Variants in RAPGEF2 observed in about 807,000 individuals in gnomAD.
RAPGEF2 encodes the protein PDZ domain containing guanine nucleotide exchange factor (GEF) 1.
RAPGEF2 carries 54 observed loss-of-function variants against 186.7 expected under a neutral mutation model. That is an observed-to-expected ratio of 0.29 (90% confidence interval 0.23 to 0.36). The LOEUF (loss-of-function observed/expected upper bound fraction) is 0.36. Ranked by LOEUF, RAPGEF2 falls within the 10% of genes least tolerant of loss-of-function variation. The pLI is 1.00. For synonymous variants in RAPGEF2, 712 were observed against 705.9 expected, an observed-to-expected ratio of 1.01 and a Z score of -0.14; for missense variants, 1,532 against 2,045.0, an observed-to-expected ratio of 0.75 and a Z score of 4.84.
At chr4:159,147,644 T>C (rs1743087438) in intron 1 of RAPGEF2, among the ~76,000 whole-genome samples, 1 of 152,248 alleles carries the variant, frequency 6.6e-6, no homozygotes, top group South Asian at 2.1e-4. Context: ...TAGATGTCAG[T>C]GATGAAAGCT....
intron 1 of RAPGEF2, among the ~76,000 whole-genome samples, chr4:159,177,340 T>C (rs900641137): frequency 6.6e-6 from 1 of 152,220 alleles, no homozygotes; most frequent in African/African-American, 2.4e-5. Flanking sequence ...TGTGCTTTTA[T>C]TCAGATCTCA....
At chr4:159,271,562 A>C (rs1758134811) in intron 7 of RAPGEF2, among the ~76,000 whole-genome samples, 2 of 152,152 alleles carry the variant, frequency 1.3e-5, no homozygotes, top group South Asian at 4.1e-4. Context: ...AATTTTTTTC[A>C]GGGACATATT....
At chr4:159,187,899 G>A (rs1398547680) in intron 2 of RAPGEF2, among the ~76,000 whole-genome samples, 1 of 152,124 alleles carries the variant, frequency 6.6e-6, no homozygotes, top group African/African-American at 2.4e-5. Flanking sequence ...ATTAATTTGT[G>A]AGCATGTCAA....
At chr4:159,354,682 T>A (rs1580077072) in intron 28 of RAPGEF2, among the ~76,000 whole-genome samples, 1 of 152,246 alleles carries the variant, frequency 6.6e-6, no homozygotes, top group Admixed American at 6.5e-5. Flanking sequence ...TTTCCTCATC[T>A]GTAAAATGAG....
intron 8 of RAPGEF2, 34 bp downstream of exon 8, chr4:159,304,507 T>A (rs1488076340): frequency 6.4e-7 from 1 of 1,565,158 alleles, no homozygotes. Flanking sequence ...TTTGCTTCAT[T>A]TTCATTTATT....
At chr4:159,297,567 A>G (rs1272859245) in intron 7 of RAPGEF2, among the ~76,000 whole-genome samples, 2 of 152,232 alleles carry the variant, frequency 1.3e-5, no homozygotes, top group Non-Finnish European at 2.9e-5. Flanking sequence ...AAAATGTATT[A>G]TGGTATTCTA....
At chr4:159,236,442 A>G (rs1248328066) in intron 4 of RAPGEF2, among the ~76,000 whole-genome samples, 2 of 152,232 alleles carry the variant, frequency 1.3e-5, no homozygotes, top group Non-Finnish European at 2.9e-5. Context: ...CTAGATTTAT[A>G]TATAAAATAA....
At chr4:159,298,788 A>C (rs111252657) in intron 7 of RAPGEF2, among the ~76,000 whole-genome samples, 1 of 152,184 alleles carries the variant, frequency 6.6e-6, no homozygotes, top group African/African-American at 2.4e-5. Context: ...GATTCCAGCT[A>C]CAGGAATCAT....
chr4:159,187,534 T>C (rs1747683374), intron 2 of RAPGEF2, among the ~76,000 whole-genome samples: 1 of 152,234 alleles, frequency 6.6e-6, no homozygotes, highest in African/African-American at 2.4e-5. Flanking sequence ...GTTGTATATC[T>C]TTGTTTGAAT....
chr4:159,121,797 G>A (rs553465140), intron 1 of RAPGEF2, among the ~76,000 whole-genome samples: 13 of 151,698 alleles, frequency 8.6e-5, no homozygotes, highest in South Asian at 2.1e-4. Context: ...TTGGGAGGCC[G>A]AGGCGGGCGG....
At chr4:159,158,261 T>A (rs1284747559) in intron 1 of RAPGEF2, among the ~76,000 whole-genome samples, 1 of 152,204 alleles carries the variant, frequency 6.6e-6, no homozygotes. Flanking sequence ...AGATCAGTGA[T>A]CCTTTATCTT....
intron 1 of RAPGEF2, among the ~76,000 whole-genome samples, chr4:159,116,796 A>C (rs1739098756): frequency 6.6e-6 from 1 of 152,172 alleles, no homozygotes; most frequent in Non-Finnish European, 1.5e-5. Context: ...AAACTAACAC[A>C]AGAACAGAAA....
At chr4:159,347,766 G>A (rs761626112) in intron 25 of RAPGEF2, among the ~76,000 whole-genome samples, 7 of 152,252 alleles carry the variant, frequency 4.6e-5, no homozygotes, top group South Asian at 2.1e-4. Flanking sequence ...CAGCCTGGGC[G>A]AAAGAGCGAG....
chr4:159,145,309 C>T (rs1742831808), intron 1 of RAPGEF2, among the ~76,000 whole-genome samples: 1 of 152,000 alleles, frequency 6.6e-6, no homozygotes, highest in African/African-American at 2.4e-5. Context: ...ATAATGCAAG[C>T]CACCTGTGTA....
intron 1 of RAPGEF2, among the ~76,000 whole-genome samples, chr4:159,108,720 G>A (rs1237035882): frequency 6.6e-6 from 1 of 152,050 alleles, no homozygotes; most frequent in Non-Finnish European, 1.5e-5. Context: ...GGATGGTATG[G>A]CGATAGACAA....
At chr4:159,317,501 C>T (rs1265609991) in intron 9 of RAPGEF2, among the ~76,000 whole-genome samples, 3 of 152,082 alleles carry the variant, frequency 2.0e-5, no homozygotes. Flanking sequence ...AGGGGAGTGG[C>T]CTGAGTGGAA....
intron 1 of RAPGEF2, among the ~76,000 whole-genome samples, chr4:159,180,034 A>G (rs1746846536): frequency 6.6e-6 from 1 of 152,162 alleles, no homozygotes; most frequent in Non-Finnish European, 1.5e-5. Flanking sequence ...ACACCTGGTG[A>G]GAAGGTAGAA....
rs545618326 is a variant in RAPGEF2, at chr4:159,135,184, T to C, written c.69+30953T>C. Reference sequence around the variant, plus strand: ...TCAGCCTCCTGAGTAGCTGGTACTATAGGTGTGTGCCACCATGCCCAGCTA... The same window carrying C: ...TCAGCCTCCTGAGTAGCTGGTACTACAGGTGTGTGCCACCATGCCCAGCTA... On this transcript the variant is annotated intron_variant, in intron 1 of 29. Transcript: ENST00000691494. Among the ~76,000 whole-genome samples, 3 of 152,072 alleles carry C rather than the reference T, an allele frequency of 2.0e-5. No homozygotes were observed. In the East Asian group the frequency reaches 5.8e-4, roughly 30 times the overall value.
intron 26 of RAPGEF2, among the ~76,000 whole-genome samples, chr4:159,351,980 C>T (rs1336248471): frequency 1.3e-5 from 2 of 152,058 alleles, no homozygotes; most frequent in African/African-American, 4.8e-5. Context: ...TAGGCCCCTG[C>T]CATTGTGTCT....
Sources: gnomAD v4.1 joint callset for allele counts (sites outside exome capture counted in the v4.1 genomes callset) on GRCh38, gnomAD v4.1.1 for gene constraint, MANE v1.5 for transcripts, NCBI Gene and HGNC (gene_info 2026-07-23, HGNC 2026-07-21) for gene names.